The following GRIK5 variants were observed in gnomAD, a reference collection of about 807,000 sequenced individuals.
GRIK5 encodes glutamate receptor ionotropic, kainate 5.
Under a neutral mutation model 97.4 loss-of-function variants are expected in GRIK5, and 43 were observed. The ratio of observed to expected loss-of-function variants is 0.44; its 90% CI spans 0.35 to 0.57. The LOEUF (loss-of-function observed/expected upper bound fraction) is 0.57. Ranked by LOEUF, GRIK5 falls within the 20% of genes least tolerant of loss-of-function variation. The pLI is 0.01. For missense variants in GRIK5, 1,015 were observed against 1,382.0 expected, an observed-to-expected ratio of 0.73 and a Z score of 4.21; for synonymous variants, 580 against 583.5, an observed-to-expected ratio of 0.99 and a Z score of 0.09.
Position 42,054,344 on chromosome 19 carries a change from G to C in GRIK5, c.1032C>G (p.Thr344=). 1 of 1,612,682 alleles carries C rather than the reference G, an allele frequency of 6.2e-7. No individual in the cohort carries two copies. The highest frequency in any genetic ancestry group is 2.2e-5 in the East Asian group (1 of 44,848). ...CCATGCGCAGGTAGTTCATGAGGCT[G>C]GTCCCGTGGGGCCAAATGTTGGCCG... ...CTSANIWPHG[T]SLMNYLRMVE... is the part of the protein sequence containing the mutation. Residue 344 remains threonine (T), a synonymous_variant, in exon 9 of 20, where the codon ACC becomes ACG. Coordinates refer to ENST00000593562, the MANE Select transcript of GRIK5 (RefSeq NM_002088.5).
chr19:42,055,224 CTG>C (rs2076167306), intron 8 of GRIK5, among the ~76,000 whole-genome samples: 1 of 152,168 alleles, frequency 6.6e-6, no homozygotes, highest in African/African-American at 2.4e-5. Flanking sequence ...TGTGCCCCAG[CTG>C]TGTTAGTGTG....
chr19:42,055,143 C>G (rs1479906473), intron 8 of GRIK5, among the ~76,000 whole-genome samples: 1 of 152,244 alleles, frequency 6.6e-6, no homozygotes, highest in Non-Finnish European at 1.5e-5. Context: ...GCCTGGCACA[C>G]AGTTAGCGTC....
In GRIK5 at chr19:42,049,018, G is replaced by A. The variant is rs141309254; in HGVS notation, c.1269+4584C>T. Among the ~76,000 whole-genome samples the A allele has an allele frequency of 3.9e-5, 6 of 152,202 alleles. No homozygotes were observed. In the East Asian group the frequency reaches 1.2e-3, roughly 29 times the overall value. On this transcript the variant is annotated intron_variant, in intron 11 of 19. Transcript: ENST00000593562. Reference sequence around the variant, plus strand: ...ATTGGGCCACTGCACTCCAGCCTGGGTAACAGAGCAAGACCCTCTCTCAAA... The same window carrying A: ...ATTGGGCCACTGCACTCCAGCCTGGATAACAGAGCAAGACCCTCTCTCAAA...
chr19:42,018,977 G>C (rs1011451451), intron 15 of GRIK5, among the ~76,000 whole-genome samples: 1 of 152,192 alleles, frequency 6.6e-6, no homozygotes, highest in Admixed American at 6.5e-5. Flanking sequence ...ATGAGTGAAT[G>C]TGTGGGAGGA....
At chr19:42,051,836 CCTCCTGCCG>C (rs1431835961) in intron 11 of GRIK5, among the ~76,000 whole-genome samples, 2 of 152,186 alleles carry the variant, frequency 1.3e-5, no homozygotes, top group Non-Finnish European at 2.9e-5. Flanking sequence ...AGCTCCTGCC[CCTCCTGCCG>C]CTCCTGCTGC....
Position 41,999,395 on chromosome 19 carries a change from C to T in GRIK5, c.2515-96G>A. ...CCCACTCCTCCTCCTCCTTTCCTCG[C>T]CCGGGTCTTTCTTCCTTCTGCCCTC... On this transcript the variant is annotated intron_variant, in intron 19 of 19. Transcript: ENST00000593562. The surrounding 1 kb of genome is among the most constrained non-coding windows in gnomAD (Gnocchi z 5.0). 3.2e-6 allele frequency: 3 copies of T among 950,190 alleles called. No homozygotes were observed. Among genetic ancestry groups the T allele is most frequent in the Non-Finnish European group, 4.5e-6 (3 of 668,946 alleles). 58.9% of individuals were successfully genotyped at this position (950,190 alleles called of 1,614,324 possible). A position where few individuals can be genotyped will look rare whatever the true frequency, so the allele number is the denominator to read the frequency against.
intron 15 of GRIK5, among the ~76,000 whole-genome samples, chr19:42,012,145 G>C (rs2075570645): frequency 6.6e-6 from 1 of 152,048 alleles, no homozygotes. Flanking sequence ...AATCTGACCT[G>C]CTGTCTATTT....
intron 11 of GRIK5, among the ~76,000 whole-genome samples, chr19:42,048,576 T>C (rs975206452): frequency 1.3e-5 from 2 of 152,052 alleles, no homozygotes; most frequent in South Asian, 4.1e-4. Flanking sequence ...GCCGAGATTG[T>C]GCCACTGCAC....
intron 6 of GRIK5, 81 bp downstream of exon 6, chr19:42,059,268 C>T (rs2076227558): frequency 9.2e-7 from 1 of 1,083,334 alleles, no homozygotes; most frequent in African/African-American, 1.6e-5. Context: ...ACTCCTGAGG[C>T]CCATGGGCAT....
At chr19:42,016,908 C>T (rs537304629) in intron 15 of GRIK5, among the ~76,000 whole-genome samples, 15 of 152,120 alleles carry the variant, frequency 9.9e-5, no homozygotes, top group African/African-American at 3.6e-4. Flanking sequence ...TTATCTGAGC[C>T]TAACTCCTTG....
At chr19:42,063,562 T>C (rs1409802719) in intron 3 of GRIK5, 1 of 328,054 alleles carries the variant, frequency 3.0e-6, no homozygotes, top group Non-Finnish European at 6.0e-6. Flanking sequence ...AATCAGACCA[T>C]GGAGCACCTT....
intron 19 of GRIK5, among the ~76,000 whole-genome samples, chr19:42,001,424 T>G (rs1389198021): frequency 6.6e-6 from 1 of 152,188 alleles, no homozygotes; most frequent in African/African-American, 2.4e-5. Flanking sequence ...AGACAGGGTT[T>G]CACCATGTTG....
chr19:42,066,114 G>A (rs930483419), intron 1 of GRIK5, among the ~76,000 whole-genome samples: 3 of 152,114 alleles, frequency 2.0e-5, no homozygotes, highest in African/African-American at 7.2e-5. Context: ...GGAGGCGTGC[G>A]AGGTTCTCAG....
At chr19:42,057,337 A>G (rs2076199954) in intron 6 of GRIK5, among the ~76,000 whole-genome samples, 2 of 152,038 alleles carry the variant, frequency 1.3e-5, no homozygotes, top group Admixed American at 1.3e-4. Flanking sequence ...GAGATAGGCA[A>G]GAAGAAGCCT....
At chr19:42,056,034 G>A (rs1005922573) in intron 8 of GRIK5, among the ~76,000 whole-genome samples, 1 of 150,946 alleles carries the variant, frequency 6.6e-6, no homozygotes, top group African/African-American at 2.4e-5. Flanking sequence ...CGCCCAGGCT[G>A]GAGTGCAATG....
chr19:42,054,914 G>A (rs1178352065), intron 8 of GRIK5, among the ~76,000 whole-genome samples: 18 of 152,178 alleles, frequency 1.2e-4, no homozygotes, highest in Non-Finnish European at 2.9e-5. Flanking sequence ...GTGTCAGAGA[G>A]GCAGGAGCAT....
At chr19:42,004,994 C>G (rs1398803575) in intron 17 of GRIK5, among the ~76,000 whole-genome samples, 3 of 152,072 alleles carry the variant, frequency 2.0e-5, no homozygotes, top group African/African-American at 7.2e-5. Flanking sequence ...TCCCTGGCAC[C>G]GACTCACCTA....
In GRIK5 at chr19:42,042,659, C is replaced by T. The variant is rs149090635; in HGVS notation, c.1366G>A (p.Glu456Lys). Residue 456 changes from glutamate to lysine, a missense_variant, in exon 12 of 20, where the codon GAG becomes AAG. By Grantham distance (56) the Glu-to-Lys change is moderately conservative. This residue lies in a region of GRIK5 where 477 missense variants were observed against 701.1 expected (regional missense o/e 0.68). Coordinates refer to ENST00000593562, the MANE Select transcript of GRIK5 (RefSeq NM_002088.5). This position sits in a 1 kb window ranked among gnomAD's most constrained non-coding sequence, Gnocchi z 6.9. ...AGGCGGTAGCGGAAGCGCAGCAGCT[C>T]GGCCAGCTCCCGCAGCATGTCCACG... The part of the protein sequence containing the change: ...FCVDMLRELA[E>K]LLRFRYRLRL... The T allele has an allele frequency of 5.6e-6, 9 of 1,613,438 alleles. No individual in the cohort carries two copies. The highest frequency in any genetic ancestry group is 1.6e-4 in the Middle Eastern group (1 of 6,062).
chr19:42,021,544 G>A lies in GRIK5; in HGVS notation c.1698-70C>T. 1 of 1,320,456 alleles carries A rather than the reference G, an allele frequency of 7.6e-7. No homozygotes were observed. Among genetic ancestry groups the A allele is most frequent in the South Asian group, 1.5e-5 (1 of 65,010 alleles). The allele number at this position is 1,320,456 out of a possible 1,614,324, so 81.8% of individuals were successfully genotyped here. On this transcript the variant is annotated intron_variant, in intron 14 of 19. Transcript: ENST00000593562. The surrounding 1 kb of genome is among the most constrained non-coding windows in gnomAD (Gnocchi z 4.2). ...TGGGGAGGAAAAGGAAAGAAGCAAA[G>A]GAAAGTCACAGTGATCAGAAGAAAG... is the stretch of plus-strand genomic sequence containing the variant.
Sources: gnomAD v4.1 joint callset for allele counts (sites outside exome capture counted in the v4.1 genomes callset) on GRCh38, gnomAD v4.1.1 for gene constraint, gnomAD v4.1.1 regional missense constraint, Gnocchi (gnomAD v3.1) non-coding constraint, MANE v1.5 for transcripts, NCBI Gene and HGNC (gene_info 2026-07-23, HGNC 2026-07-21) for gene names.